Variants in FAAH2 observed in about 807,000 individuals in gnomAD.
FAAH2 encodes the protein fatty acid amide hydrolase 2.
A neutral mutation model predicts 36.9 loss-of-function variants in FAAH2; 60 were observed. The observed-to-expected ratio is 1.63, with a 90% CI of 1.32 to 2.02. The LOEUF (loss-of-function observed/expected upper bound fraction) is 2.02, where lower values mean the gene tolerates loss of function less well. Among genes scored for constraint, FAAH2 ranks in the 30% most tolerant of loss-of-function variants. The pLI, the probability that FAAH2 is intolerant of heterozygous loss-of-function variation, is 0.00. For missense variants in FAAH2, 689 were observed against 397.5 expected, an observed-to-expected ratio of 1.73 and a Z score of -6.23; for synonymous variants, 214 against 143.8, an observed-to-expected ratio of 1.49 and a Z score of -3.49.
the FAAH2 span, among the ~76,000 whole-genome samples, chrX:57,269,539 G>GT: frequency 9.0e-6 from 1 of 111,715 alleles, no homozygotes; most frequent in South Asian, 3.7e-4. Flanking sequence ...TAGGACTATG[G>GT]TGCAATGAAA....
At chrX:57,330,077 G>A (rs1165982310) in intron 3 of FAAH2, among the ~76,000 whole-genome samples, 1 of 111,686 alleles carries the variant, frequency 9.0e-6, no homozygotes, top group Non-Finnish European at 1.9e-5. Flanking sequence ...TGAACAATAT[G>A]AAATCTGGGC....
At chrX:57,242,306 C>T in the FAAH2 span, among the ~76,000 whole-genome samples, 3 of 112,447 alleles carry the variant, frequency 2.7e-5, no homozygotes, top group African/African-American at 6.5e-5. Context: ...TGGTGATACC[C>T]AGGCAAACAG....
the FAAH2 span, among the ~76,000 whole-genome samples, chrX:57,205,727 A>G: frequency 3.6e-5 from 4 of 112,496 alleles, no homozygotes; most frequent in Non-Finnish European, 5.6e-5. Flanking sequence ...TAGTTATTTT[A>G]TGGAGAATCC....
chrX:57,393,979 G>T (rs1013275744), intron 7 of FAAH2: 8 of 780,535 alleles, frequency 1.0e-5, no homozygotes, highest in South Asian at 2.1e-5. Context: ...GGATATCAGA[G>T]AACTTTCTCA....
intron 7 of FAAH2, among the ~76,000 whole-genome samples, chrX:57,402,541 GT>G (rs1239976855): frequency 9.0e-6 from 1 of 111,639 alleles, no homozygotes; most frequent in South Asian, 3.8e-4. Flanking sequence ...ACTTTTGAAG[GT>G]TTTTTTCTAA....
chrX:57,334,238 C>G (rs2147018150), intron 4 of FAAH2, among the ~76,000 whole-genome samples: 1 of 84,770 alleles, frequency 1.2e-5, no homozygotes, highest in East Asian at 4.1e-4. Flanking sequence ...CCACTGCACT[C>G]CAGCCTAGGT....
the FAAH2 span, among the ~76,000 whole-genome samples, chrX:57,232,930 C>T: frequency 8.9e-6 from 1 of 112,331 alleles, no homozygotes; most frequent in Non-Finnish European, 1.9e-5. Context: ...TACTTAACTG[C>T]TCCCCTTGAG....
chrX:57,250,518 C>G, the FAAH2 span, among the ~76,000 whole-genome samples: 1 of 109,283 alleles, frequency 9.2e-6, no homozygotes, highest in Admixed American at 9.8e-5. Context: ...GTGTTCTCAC[C>G]AAAAAAAATA....
the FAAH2 span, among the ~76,000 whole-genome samples, chrX:57,139,720 C>T: frequency 8.9e-6 from 1 of 111,802 alleles, no homozygotes; most frequent in Non-Finnish European, 1.9e-5. Flanking sequence ...TCCCAAAGTG[C>T]TGGGATTACA....
chrX:57,342,801 GT>G (rs1280318277), intron 5 of FAAH2, among the ~76,000 whole-genome samples: 3 of 110,775 alleles, frequency 2.7e-5, no homozygotes, highest in Admixed American at 9.6e-5. Context: ...GTAGGCTCTG[GT>G]TTCTCTTGTT....
At chrX:57,394,809 C>T in intron 7 of FAAH2, 1 of 1,084,546 alleles carries the variant, frequency 9.2e-7, no homozygotes. Flanking sequence ...TTTACCTCCT[C>T]ATCCAGATTG....
the FAAH2 span, among the ~76,000 whole-genome samples, chrX:57,146,773 A>C: frequency 8.9e-6 from 1 of 111,851 alleles, no homozygotes; most frequent in Non-Finnish European, 1.9e-5. Flanking sequence ...TTCAATCATA[A>C]AGTGCTGCTG....
intron 7 of FAAH2, among the ~76,000 whole-genome samples, chrX:57,385,629 C>T (rs567192006): frequency 5.4e-5 from 6 of 111,894 alleles, no homozygotes; most frequent in South Asian, 3.7e-4. Context: ...TTTAGGGCCC[C>T]CCTCTTAATA....
intron 5 of FAAH2, among the ~76,000 whole-genome samples, chrX:57,351,380 A>T (rs1267987857): frequency 9.0e-6 from 1 of 111,482 alleles, no homozygotes; most frequent in African/African-American, 3.2e-5. Context: ...TTACGTCCAA[A>T]AAAAGTACAA....
the FAAH2 span, among the ~76,000 whole-genome samples, chrX:57,209,987 C>T: frequency 5.5e-5 from 6 of 109,684 alleles, no homozygotes; most frequent in Admixed American, 2.9e-4. Context: ...AATTGCTGTG[C>T]TCTCCCTCTC....
At chrX:57,361,103 T>A (rs1373738342) in intron 5 of FAAH2, among the ~76,000 whole-genome samples, 1 of 111,726 alleles carries the variant, frequency 9.0e-6, no homozygotes, top group Non-Finnish European at 1.9e-5. Flanking sequence ...TTTTGGATAA[T>A]TTGAGTAGAA....
At chrX:57,194,250 G>T in the FAAH2 span, among the ~76,000 whole-genome samples, 2 of 111,156 alleles carry the variant, frequency 1.8e-5, no homozygotes, top group Non-Finnish European at 3.8e-5. Context: ...GTTCAATCTT[G>T]ACAGGTTTAA....
intron 7 of FAAH2, among the ~76,000 whole-genome samples, chrX:57,384,137 C>T (rs1266898409): frequency 6.3e-5 from 7 of 110,452 alleles, no homozygotes; most frequent in African/African-American, 2.3e-4. Flanking sequence ...AAAGCTGAAA[C>T]TGGATCCCTT....
chrX:57,448,909 C>A (rs777699603), intron 10 of FAAH2, among the ~76,000 whole-genome samples, 191 bp downstream of exon 10: 32 of 112,080 alleles, frequency 2.9e-4, no homozygotes, highest in Non-Finnish European at 5.1e-4. Context: ...TATCTGGTTT[C>A]TCCACAATAA....
Sources: gnomAD v4.1 joint callset for allele counts (sites outside exome capture counted in the v4.1 genomes callset) on GRCh38, gnomAD v4.1.1 for gene constraint, MANE v1.5 for transcripts, NCBI Gene and HGNC (gene_info 2026-07-23, HGNC 2026-07-21) for gene names.